TTC28: variants seen among roughly 807,000 people sequenced by gnomAD.
TTC28 encodes the protein tetratricopeptide repeat protein 28.
TTC28 carries 61 observed loss-of-function variants against 198.0 expected under a neutral mutation model. That is an observed-to-expected ratio of 0.31 (90% confidence interval 0.25 to 0.38). The LOEUF is 0.38. Ranked by LOEUF, TTC28 falls within the 10% of genes least tolerant of loss-of-function variation. The pLI is 1.00. For missense variants in TTC28, 2,678 were observed against 3,164.0 expected (o/e 0.85, Z 3.69); for synonymous variants, 1,171 against 1,297.8 (o/e 0.90, Z 2.10).
intron 5 of TTC28, among the ~76,000 whole-genome samples, chr22:28,175,319 G>C (rs750301534): frequency 5.3e-5 from 8 of 152,180 alleles, no homozygotes; most frequent in African/African-American, 1.2e-4. Context: ...AGAGAGTAAA[G>C]AGACAACCTA....
At chr22:28,565,436 A>G (rs1345081090) in intron 2 of TTC28, among the ~76,000 whole-genome samples, 1 of 152,234 alleles carries the variant, frequency 6.6e-6, no homozygotes, top group East Asian at 1.9e-4. Flanking sequence ...TATTCTGCAC[A>G]CACATATTCA....
chr22:28,084,761 G>GA (rs960461926), intron 12 of TTC28, among the ~76,000 whole-genome samples: 3 of 151,620 alleles, frequency 2.0e-5, no homozygotes, highest in Non-Finnish European at 2.9e-5. Flanking sequence ...TAAAAACTTT[G>GA]AAAAAAAATT....
At chr22:28,090,387 A>G (rs1261452018) in intron 12 of TTC28, among the ~76,000 whole-genome samples, 1 of 152,076 alleles carries the variant, frequency 6.6e-6, no homozygotes, top group Non-Finnish European at 1.5e-5. Context: ...CTATTTGATT[A>G]AAAATTCTTT....
chr22:28,256,563 GA>G (rs755781726), intron 5 of TTC28, among the ~76,000 whole-genome samples: 1 of 151,678 alleles, frequency 6.6e-6, no homozygotes, highest in Non-Finnish European at 1.5e-5. Flanking sequence ...CACAGAAATA[GA>G]AAAAAAACTC....
chr22:28,579,671 C>A lies in TTC28; in HGVS notation c.381+49881G>T, dbSNP rs2050206486. 2.0e-5 allele frequency among the ~76,000 whole-genome samples: 3 copies of A among 149,414 alleles called. No individual in the cohort carries two copies. The South Asian group carries it at 6.3e-4, about 31-fold the overall frequency. Reference sequence around the variant, plus strand: ...GTATAAATACACATATATACACACCCAAAAAAAACCGAAGGGCTGAGCACA... The same window carrying A: ...GTATAAATACACATATATACACACCAAAAAAAAACCGAAGGGCTGAGCACA... On this transcript the variant is annotated intron_variant, in intron 2 of 22. Transcript: ENST00000397906.
At chr22:28,677,467 G>C in intron 1 of TTC28, among the ~76,000 whole-genome samples, 1 of 151,724 alleles carries the variant, frequency 6.6e-6, no homozygotes, top group East Asian at 1.9e-4. Context: ...GCCAACATAG[G>C]GAAACCCAGT....
intron 12 of TTC28, among the ~76,000 whole-genome samples, chr22:28,035,578 T>G (rs748629331): frequency 1.3e-5 from 2 of 152,084 alleles, no homozygotes; most frequent in African/African-American, 2.4e-5. Flanking sequence ...CAGATGACAA[T>G]ACCATGGGCA....
chr22:28,018,299 G>GTGTGTGTGCGCGCGCGCGCA (rs1938456097), intron 13 of TTC28, among the ~76,000 whole-genome samples: 2 of 101,376 alleles, frequency 2.0e-5, no homozygotes, highest in African/African-American at 8.8e-5. Flanking sequence ...GCGCGTGTGT[G>GTGTGTGTGCGCGCGCGCGCA]CGCGCGCGGG....
chr22:28,669,342 C>T (rs528196524), intron 1 of TTC28, among the ~76,000 whole-genome samples: 4 of 151,510 alleles, frequency 2.6e-5, no homozygotes, highest in East Asian at 1.9e-4. Flanking sequence ...TCACATGGGG[C>T]CACATGTCTA....
At chr22:28,506,300 A>G (rs757076794) in intron 2 of TTC28, among the ~76,000 whole-genome samples, 4 of 152,124 alleles carry the variant, frequency 2.6e-5, no homozygotes, top group Non-Finnish European at 5.9e-5. Flanking sequence ...GGTCATGGCC[A>G]GACTGCTTCT....
At chr22:28,633,360 T>C (rs117880190) in intron 1 of TTC28, among the ~76,000 whole-genome samples, 1 of 150,986 alleles carries the variant, frequency 6.6e-6, no homozygotes, top group East Asian at 2.0e-4. Context: ...CCAGGTACAA[T>C]AGCTCATGCC....
intron 2 of TTC28, among the ~76,000 whole-genome samples, chr22:28,444,598 G>A (rs1568947611): frequency 6.6e-6 from 1 of 152,098 alleles, no homozygotes; most frequent in Admixed American, 6.5e-5. Flanking sequence ...TCACAGCCCT[G>A]CAAGGAAGGT....
intron 2 of TTC28, among the ~76,000 whole-genome samples, chr22:28,367,401 A>C (rs564796584): frequency 1.2e-4 from 18 of 152,064 alleles, no homozygotes; most frequent in Non-Finnish European, 2.2e-4. Flanking sequence ...TGATAATGCA[A>C]ACATAACATA....
At chr22:28,636,344 C>G (rs747621491) in intron 1 of TTC28, among the ~76,000 whole-genome samples, 5 of 152,062 alleles carry the variant, frequency 3.3e-5, no homozygotes, top group South Asian at 2.1e-4. Context: ...CCAGGATGGT[C>G]TCGATCTCCT....
chr22:28,467,683 C>G lies in TTC28; in HGVS notation c.382-161040G>C, dbSNP rs73882761. Among the ~76,000 whole-genome samples the G allele has an allele frequency of 8.2e-3, 1,245 of 152,286 alleles. 21 individuals are homozygous for G. The highest frequency in any genetic ancestry group is 0.028 in the African/African-American group (1,184 of 41,548). ...TTGTACATGACAAGCAAATATAAAA[C>G]TAAGACATGCCTCAGGCATTAGCAA... On this transcript the variant is annotated intron_variant, in intron 2 of 22. Coordinates refer to ENST00000397906, the MANE Select transcript of TTC28 (RefSeq NM_001145418.2).
chr22:28,292,653 G>C (rs2044810625), intron 5 of TTC28, among the ~76,000 whole-genome samples: 1 of 152,226 alleles, frequency 6.6e-6, no homozygotes, highest in South Asian at 2.1e-4. Context: ...ATGCTAACCA[G>C]AGTTTAGGAT....
At chr22:28,001,304 C>T (rs531638795) in intron 15 of TTC28, 70 bp downstream of exon 15, 1,280 of 1,497,366 alleles carry the variant, frequency 8.5e-4, no homozygotes, top group Non-Finnish European at 1.1e-3. Flanking sequence ...CAGCCCAGTC[C>T]GACCAGATAG....
chr22:28,088,108 A>G (rs1941680073), intron 12 of TTC28, among the ~76,000 whole-genome samples: 1 of 152,184 alleles, frequency 6.6e-6, no homozygotes, highest in South Asian at 2.1e-4. Context: ...TATAGATTCA[A>G]TGCCATCCCC....
intron 2 of TTC28, among the ~76,000 whole-genome samples, chr22:28,326,124 T>G (rs2045525852): frequency 6.6e-6 from 1 of 152,068 alleles, no homozygotes; most frequent in African/African-American, 2.4e-5. Context: ...CTGTGATACA[T>G]CCATACAATG....
Sources: gnomAD v4.1 joint callset for allele counts (sites outside exome capture counted in the v4.1 genomes callset) on GRCh38, gnomAD v4.1.1 for gene constraint, MANE v1.5 for transcripts, NCBI Gene and HGNC (gene_info 2026-07-23, HGNC 2026-07-21) for gene names.